The following DPP6 variants were observed in gnomAD, a reference collection of about 807,000 sequenced individuals.
The protein encoded by DPP6 is dipeptidyl peptidase like 6.
DPP6 carries 69 observed loss-of-function variants against 122.6 expected under a neutral mutation model. That is an observed-to-expected ratio of 0.56 (90% confidence interval 0.46 to 0.69). The LOEUF (loss-of-function observed/expected upper bound fraction) is 0.69. DPP6 is among the 30% of genes least tolerant of loss of function. The pLI is 0.00. For missense variants in DPP6, 928 were observed against 1,116.9 expected (o/e 0.83, Z 2.41); for synonymous variants, 418 against 433.1 (o/e 0.97, Z 0.43).
At chr7:154,079,185 A>G (rs1803807634) in intron 1 of DPP6, among the ~76,000 whole-genome samples, 1 of 152,102 alleles carries the variant, frequency 6.6e-6, no homozygotes, top group African/African-American at 2.4e-5. Flanking sequence ...ACAGAGCTAG[A>G]CTCCATCTCA....
At chr7:153,749,819 T>C in the DPP6 span, among the ~76,000 whole-genome samples, 3 of 151,916 alleles carry the variant, frequency 2.0e-5, no homozygotes, top group Admixed American at 6.5e-5. The surrounding 1 kb of genome is among the most constrained non-coding windows in gnomAD (Gnocchi z 4.1). Flanking sequence ...GCAATGCATG[T>C]AACAATGAAC....
intron 1 of DPP6, among the ~76,000 whole-genome samples, chr7:154,114,905 T>C (rs1214289474): frequency 8.5e-5 from 13 of 152,238 alleles, no homozygotes; most frequent in African/African-American, 3.1e-4. Flanking sequence ...TTCTAAAACA[T>C]CCTTGCCTTC....
At chr7:154,752,674 A>G (rs916701939) in intron 8 of DPP6, among the ~76,000 whole-genome samples, 27 of 152,138 alleles carry the variant, frequency 1.8e-4, no homozygotes, top group Non-Finnish European at 5.9e-5. Context: ...AAGGAACACT[A>G]TCCACCGCAG....
intron 1 of DPP6, among the ~76,000 whole-genome samples, chr7:154,320,952 C>T (rs1195253056): frequency 1.3e-5 from 2 of 152,150 alleles, no homozygotes; most frequent in Non-Finnish European, 2.9e-5. Flanking sequence ...ATTTAACAGA[C>T]TTCTAGGCAC....
intron 8 of DPP6, among the ~76,000 whole-genome samples, chr7:154,731,557 GCACTGGCTGTGAACTCAT>G (rs1210073095): frequency 1.8e-4 from 27 of 152,270 alleles, no homozygotes; most frequent in East Asian, 9.6e-4. Context: ...TGTGAACTCA[GCACTGGCTGTGAACTCAT>G]CACTGGCTGT....
chr7:153,795,509 G>A, the DPP6 span, among the ~76,000 whole-genome samples: 1 of 152,108 alleles, frequency 6.6e-6, no homozygotes, highest in East Asian at 1.9e-4. Flanking sequence ...GCTTAGTTTG[G>A]TTAGAACTTT....
intron 1 of DPP6, among the ~76,000 whole-genome samples, chr7:153,889,156 A>G (rs900847183): frequency 3.3e-5 from 5 of 151,786 alleles, no homozygotes; most frequent in African/African-American, 4.8e-5. Flanking sequence ...GACCCTCCCC[A>G]CTCCCGAGAC....
the DPP6 span, among the ~76,000 whole-genome samples, chr7:153,757,422 C>T: frequency 2.0e-5 from 3 of 152,174 alleles, no homozygotes; most frequent in Non-Finnish European, 4.4e-5. Flanking sequence ...GTGGAAACTT[C>T]TTAACTGTGT....
chr7:154,676,325 G>A (rs1436136428), intron 7 of DPP6, among the ~76,000 whole-genome samples: 8 of 140,504 alleles, frequency 5.7e-5, no homozygotes, highest in East Asian at 2.1e-4. Context: ...CAGGTGTTCC[G>A]GGCTGCGGCC....
chr7:154,027,558 C>T (rs1162719351), intron 1 of DPP6, among the ~76,000 whole-genome samples: 1 of 152,118 alleles, frequency 6.6e-6, no homozygotes, highest in Non-Finnish European at 1.5e-5. Flanking sequence ...TAATCACTCC[C>T]AAAGTCCACC....
At chr7:154,240,448 T>C (rs1301114868) in intron 1 of DPP6, among the ~76,000 whole-genome samples, 8 of 152,188 alleles carry the variant, frequency 5.3e-5, no homozygotes, top group Non-Finnish European at 1.2e-4. Context: ...TTTCCTTCTA[T>C]AATAAGAATA....
intron 3 of DPP6, among the ~76,000 whole-genome samples, chr7:154,514,270 C>T (rs2129854698): frequency 6.6e-6 from 1 of 151,936 alleles, no homozygotes; most frequent in South Asian, 2.1e-4. Context: ...AGCAAGACTC[C>T]CTCTCAAAAA....
At chr7:154,792,130 C>A (rs1366372721) in intron 10 of DPP6, among the ~76,000 whole-genome samples, 1 of 152,250 alleles carries the variant, frequency 6.6e-6, no homozygotes, top group Non-Finnish European at 1.5e-5. Context: ...GGAGACCTTA[C>A]ATTTTCTTTC....
Position 153,932,306 on chromosome 7 carries a change from A to G in DPP6, c.51+44572A>G, listed in dbSNP as rs183238602. ...TGGCTAATTTTTGTATTTTTAGTAG[A>G]CACGGGGTTTCACCATGTTGACCAG... On this transcript the variant is annotated intron_variant, in intron 1 of 25. Coordinates refer to the DPP6 transcript ENST00000404039. Among the ~76,000 whole-genome samples, 40 of 152,018 alleles carry G rather than the reference A, an allele frequency of 2.6e-4. No homozygotes were observed. In the East Asian group the frequency reaches 6.6e-3, roughly 25 times the overall value.
intron 1 of DPP6, among the ~76,000 whole-genome samples, chr7:154,395,156 C>G (rs1814971294): frequency 6.6e-6 from 1 of 152,172 alleles, no homozygotes; most frequent in African/African-American, 2.4e-5. Flanking sequence ...TCTGTGTCCT[C>G]AAATGATGAA....
chr7:154,279,188 G>T (rs1804343376), intron 1 of DPP6, among the ~76,000 whole-genome samples: 2 of 151,924 alleles, frequency 1.3e-5, no homozygotes, highest in African/African-American at 4.8e-5. Context: ...TATGTATATG[G>T]ACATGTGTGA....
the DPP6 span, among the ~76,000 whole-genome samples, chr7:153,821,486 AAAATTG>A: frequency 9.3e-6 from 1 of 107,032 alleles, no homozygotes; most frequent in Non-Finnish European, 1.9e-5. Context: ...TTGTGTCTAA[AAAATTG>A]AAATTGAATA....
In DPP6 at chr7:154,615,151, C is replaced by T. The variant is rs75925415; in HGVS notation, c.628-22670C>T. On this transcript the variant is annotated intron_variant, in intron 5 of 25. Transcript: ENST00000377770. ...TCAAAAGGCCGTGGTTCTTGCCCAT[C>T]TTTATCATGGGTAGATTTCTGGAGC... is the stretch of plus-strand genomic sequence containing the variant. 7.9e-4 allele frequency among the ~76,000 whole-genome samples: 121 copies of T among 152,302 alleles called. No homozygotes were observed. In the East Asian group the frequency reaches 0.023, roughly 29 times the overall value.
At chr7:154,527,604 G>T (rs920481195) in intron 3 of DPP6, among the ~76,000 whole-genome samples, 5 of 152,132 alleles carry the variant, frequency 3.3e-5, no homozygotes, top group African/African-American at 1.2e-4. Context: ...GATGATAGGA[G>T]AAAAATTAAA....
Sources: allele counts gnomAD v4.1 joint callset (sites outside exome capture counted in the v4.1 genomes callset), GRCh38; gene constraint gnomAD v4.1.1; non-coding constraint Gnocchi (gnomAD v3.1); transcripts MANE v1.5; gene names NCBI Gene and HGNC (gene_info 2026-07-23, HGNC 2026-07-21).